The following MRPS30 variants were observed in gnomAD, a reference collection of about 807,000 sequenced individuals.
The protein encoded by MRPS30 is large ribosomal subunit protein mL65.
MRPS30 carries 42 observed loss-of-function variants against 43.8 expected under a neutral mutation model. The ratio of observed to expected loss-of-function variants is 0.96; its 90% CI spans 0.75 to 1.24. The LOEUF is 1.24. MRPS30 is among the 50% of genes most tolerant of loss of function. MRPS30 has a pLI of 0.00. For missense variants in MRPS30, 638 were observed against 570.0 expected, an observed-to-expected ratio of 1.12 and a Z score of -1.22; for synonymous variants, 273 against 228.2, an observed-to-expected ratio of 1.20 and a Z score of -1.77.
In MRPS30 at chr5:44,815,326, A is replaced by G. The variant is rs987133649; in HGVS notation, c.*124A>G. The G allele has an allele frequency of 3.4e-5, 29 of 864,746 alleles. No individual in the cohort carries two copies. The highest frequency in any genetic ancestry group is 1.5e-4 in the African/African-American group (9 of 58,982). 53.6% of individuals were successfully genotyped at this position (864,746 alleles called of 1,614,324 possible). A position where few individuals can be genotyped will look rare whatever the true frequency, so the allele number is the denominator to read the frequency against. On this transcript the variant is annotated 3_prime_UTR_variant, in exon 5 of 5. Coordinates refer to ENST00000507110, the MANE Select transcript of MRPS30 (RefSeq NM_016640.4). ...TTTGAGACAAATATTTCTTATGTCA[A>G]CCTGTTATTAGATCTCTTACTCTGC...
chr5:44,811,974 C>A lies in MRPS30; in HGVS notation c.807C>A (p.Asp269Glu), dbSNP rs770319991. ...IEIPTIKCKP[D>E]KLPLFKRQYE... Reference sequence around the variant, plus strand: ...TCCCCACTATAAAATGTAAACCAGACAAACTTCCATTATTCAAACGGCAGT... The same window carrying A: ...TCCCCACTATAAAATGTAAACCAGAAAAACTTCCATTATTCAAACGGCAGT... Residue 269 changes from aspartate to glutamate, a missense_variant, in exon 3 of 5, where the codon GAC (aspartate) becomes GAA (glutamate). By Grantham distance (45) the Asp-to-Glu change is conservative. Coordinates refer to ENST00000507110, the MANE Select transcript of MRPS30 (RefSeq NM_016640.4). 16 of 1,601,038 alleles carry A rather than the reference C, an allele frequency of 1.0e-5. No individual in the cohort carries two copies. Among genetic ancestry groups the A allele is most frequent in the Non-Finnish European group, 1.3e-5 (15 of 1,173,022 alleles).
At position 44,814,986 on chromosome 5, in the gene MRPS30, C is replaced by G. The variant is rs1387005024; in HGVS notation, c.1104C>G (p.Ser368=). ...TGATCACAGATGGAAAATACTTTTC[C>G]TTTTTCTGCTACCAGCTAAATACTT... ...QAVITDGKYF[S]FFCYQLNTLA... is the part of the protein sequence containing the mutation. Residue 368 remains serine (S), a synonymous_variant, in exon 5 of 5, where the codon TCC becomes TCG. Coordinates refer to ENST00000507110, the MANE Select transcript of MRPS30 (RefSeq NM_016640.4). The G allele has an allele frequency of 1.2e-6, 2 of 1,613,748 alleles. No individual in the cohort carries two copies. The highest frequency in any genetic ancestry group is 1.3e-5 in the African/African-American group (1 of 75,028).
Position 44,809,434 on chromosome 5 carries a change from C to G in MRPS30, c.472C>G (p.Arg158Gly). ...DCLLQEHFYL[R>G]RRRRVHRYEE... ...CCTGCTGCAGGAGCACTTCTACCTG[C>G]GGCGCAGGCGGCGCGTGCACCGTTA... Residue 158 changes from arginine to glycine, a missense_variant, in exon 1 of 5, where the codon CGG becomes GGG. Coordinates refer to ENST00000507110, the MANE Select transcript of MRPS30 (RefSeq NM_016640.4). The G allele has an allele frequency of 1.2e-6, 2 of 1,613,560 alleles. No homozygotes were observed. Among genetic ancestry groups the G allele is most frequent in the Non-Finnish European group, 1.7e-6 (2 of 1,179,906 alleles).
At chr5:44,811,758 A>G (rs756691397) in intron 2 of MRPS30, among the ~76,000 whole-genome samples, 157 bp from the exon 3 acceptor site, 68 of 152,194 alleles carry the variant, frequency 4.5e-4, no homozygotes, top group Admixed American at 1.8e-3. Flanking sequence ...ACTTGTAAAA[A>G]CAGGTGGCTT....
Position 44,814,926 on chromosome 5 carries a change from A to G in MRPS30, c.1044A>G (p.Glu348=). The change falls in exon 5 of 5, where the codon GAA becomes GAG. Residue 348 remains glutamate, a synonymous_variant. Transcript: ENST00000507110. ...TTTCTTCTACAGGATTCTGGAGTGA[A>G]GCAGATGTTACTCGACCTTTTGTCT... ...AQAMYQGFWS[E]ADVTRPFVSQ... The G allele has an allele frequency of 6.2e-7, 1 of 1,609,238 alleles. No individual in the cohort carries two copies. The highest frequency in any genetic ancestry group is 2.2e-5 in the East Asian group (1 of 44,832).
chr5:44,811,139 C>A lies in MRPS30; in HGVS notation c.732C>A (p.Ser244=). 1 of 1,613,872 alleles carries A rather than the reference C, an allele frequency of 6.2e-7. No individual in the cohort carries two copies. The highest frequency in any genetic ancestry group is 1.1e-5 in the South Asian group (1 of 91,062). ...AACCAAACAACCAGATTCGAATATCCAAGCAACTCGCAGAGGTAAGGATTT... is the reference window on the plus strand; with the variant it reads ...AACCAAACAACCAGATTCGAATATCAAAGCAACTCGCAGAGGTAAGGATTT... ...DDKPNNQIRI[S]KQLAEFVPLD... Residue 244 remains serine, a synonymous_variant, in exon 2 of 5, where the codon TCC becomes TCA. Transcript: ENST00000507110.
intron 4 of MRPS30, among the ~76,000 whole-genome samples, chr5:44,813,955 G>T (rs1742881959): frequency 6.6e-6 from 1 of 152,104 alleles, no homozygotes. Flanking sequence ...TTCAGGAGAG[G>T]TCCCTAAAAA....
At chr5:44,813,367 A>T in intron 4 of MRPS30, 85 bp downstream of exon 4, 1 of 1,170,646 alleles carries the variant, frequency 8.5e-7, no homozygotes. Context: ...CTTTGGGTTA[A>T]AACATAGGTT....
rs750859038 is a variant in MRPS30 at position 44,811,042 on chromosome 5, G to T, written c.635G>T (p.Arg212Leu). The T allele has an allele frequency of 6.2e-7, 1 of 1,613,886 alleles. No homozygotes were observed. Among genetic ancestry groups the T allele is most frequent in the Non-Finnish European group, 8.5e-7 (1 of 1,179,940 alleles). Residue 212 changes from arginine to leucine, a missense_variant, in exon 2 of 5, where the codon CGT (arginine) becomes CTT (leucine). Arg to Leu is a moderately radical substitution (Grantham distance 102). Coordinates refer to ENST00000507110, the MANE Select transcript of MRPS30 (RefSeq NM_016640.4). The stretch of plus-strand genomic sequence containing the variant: ...TGCCCAGTTCATTTTTACTGGGTGC[G>T]TGGTGAAGAAATTATTCCTCGTGGT... Reference protein sequence around the residue: ...YRCPVHFYWVRGEEIIPRGHR... With the variant: ...YRCPVHFYWVLGEEIIPRGHR...
intron 2 of MRPS30, 80 bp downstream of exon 2, chr5:44,811,234 A>G: frequency 6.8e-7 from 1 of 1,467,738 alleles, no homozygotes; most frequent in Non-Finnish European, 9.3e-7. Context: ...TAGTCTTAGT[A>G]GAATAAAATG....
At chr5:44,814,029 C>T (rs1742883219) in intron 4 of MRPS30, among the ~76,000 whole-genome samples, 1 of 152,044 alleles carries the variant, frequency 6.6e-6, no homozygotes. Context: ...AAAGACACTT[C>T]CAGGCAAAAG....
chr5:44,810,633 G>A (rs1448723521), intron 1 of MRPS30, among the ~76,000 whole-genome samples: 1 of 152,110 alleles, frequency 6.6e-6, no homozygotes, highest in Non-Finnish European at 1.5e-5. Context: ...TCAAGACCCA[G>A]GTTCTTCTCC....
chr5:44,814,495 A>C (rs11741772), intron 4 of MRPS30, among the ~76,000 whole-genome samples: 57,473 of 152,002 alleles, frequency 0.38, 11,178 homozygotes, highest in East Asian at 0.54. Flanking sequence ...AAAATAAATT[A>C]CATATGTCAA....
At position 44,808,949 on chromosome 5, in the gene MRPS30, A is replaced by C. The variant is rs1561261341; in HGVS notation, c.-14A>C. ...TGCTTAAGTTGACCTCTGGGTCCGG[A>C]ATCGCGGGCAAAGATGGCGGCGGCC... is the stretch of plus-strand genomic sequence containing the variant. On this transcript the variant is annotated 5_prime_UTR_variant, in exon 1 of 5. Transcript: ENST00000507110. 3 of 1,581,958 alleles carry C rather than the reference A, an allele frequency of 1.9e-6. No individual in the cohort carries two copies. The African/African-American group carries it at 4.0e-5, about 21-fold the overall frequency.
In MRPS30 at chr5:44,809,183, A is replaced by C. The variant is rs753389714; in HGVS notation, c.221A>C (p.Glu74Ala). ...ERWQATVHAAESVDEKLRILT... is the reference protein window; with the variant it reads ...ERWQATVHAAASVDEKLRILT... Reference sequence around the variant, plus strand: ...TGGCAGGCGACGGTGCACGCTGCGGAGTCGGTAGACGAGAAGCTGCGAATC... The same window carrying C: ...TGGCAGGCGACGGTGCACGCTGCGGCGTCGGTAGACGAGAAGCTGCGAATC... Residue 74 changes from glutamate to alanine, a missense_variant, in exon 1 of 5, where the codon GAG becomes GCG. Glu to Ala is a moderately radical substitution (Grantham distance 107). Transcript: ENST00000507110. 15 of 1,612,604 alleles carry C rather than the reference A, an allele frequency of 9.3e-6. 1 individual carries two copies. The South Asian group carries it at 1.4e-4, about 15-fold the overall frequency.
chr5:44,809,705 C>T (rs1742797535), intron 1 of MRPS30, 142 bp downstream of exon 1: 1 of 964,154 alleles, frequency 1.0e-6, no homozygotes, highest in African/African-American at 1.6e-5. Context: ...TCTGGGGTGG[C>T]CTGGTTTTGT....
At chr5:44,811,577 T>C (rs1742839901) in intron 2 of MRPS30, among the ~76,000 whole-genome samples, 2 of 152,242 alleles carry the variant, frequency 1.3e-5, no homozygotes, top group South Asian at 4.1e-4. Flanking sequence ...TTGTCTATGC[T>C]TTCATGTCAG....
chr5:44,809,292 C>G lies in MRPS30; in HGVS notation c.330C>G (p.Thr110=), dbSNP rs757066376. ...LNADRWYQYF[T]KTVFLSGLPP... ...CCGACCGCTGGTACCAGTACTTCAC[C>G]AAGACCGTGTTCCTGTCGGGTCTGC... The change falls in exon 1 of 5, where the codon ACC becomes ACG. Residue 110 remains threonine (T), a synonymous_variant. Coordinates refer to ENST00000507110, the MANE Select transcript of MRPS30 (RefSeq NM_016640.4). The G allele has an allele frequency of 6.2e-7, 1 of 1,613,272 alleles. No individual in the cohort carries two copies. Among genetic ancestry groups the G allele is most frequent in the Admixed American group, 1.7e-5 (1 of 60,022 alleles).
intron 1 of MRPS30, chr5:44,809,886 G>C: frequency 3.2e-6 from 1 of 308,444 alleles, no homozygotes; most frequent in Non-Finnish European, 6.0e-6. Flanking sequence ...CGCCACTTAA[G>C]AGAGTGGGGC....
Sources: gnomAD v4.1 joint callset for allele counts (sites outside exome capture counted in the v4.1 genomes callset) on GRCh38, gnomAD v4.1.1 for gene constraint, MANE v1.5 for transcripts, NCBI Gene and HGNC (gene_info 2026-07-23, HGNC 2026-07-21) for gene names.